Variants in FANCL observed in about 807,000 individuals in gnomAD.
FANCL encodes the protein E3 ubiquitin-protein ligase FANCL.
A neutral mutation model predicts 59.4 loss-of-function variants in FANCL; 69 were observed. The observed-to-expected ratio is 1.16, with a 90% CI of 0.96 to 1.42. FANCL has a LOEUF of 1.42. FANCL is among the 40% of genes most tolerant of loss of function. The pLI is 0.00. For synonymous variants in FANCL, 180 were observed against 147.1 expected (o/e 1.22, Z -1.62); for missense variants, 519 against 447.2 (o/e 1.16, Z -1.45).
intron 11 of FANCL, among the ~76,000 whole-genome samples, 198 bp from the exon 12 acceptor site, chr2:58,161,836 A>G (rs1329515430): frequency 6.6e-6 from 1 of 151,954 alleles, no homozygotes; most frequent in Non-Finnish European, 1.5e-5. Context: ...ACTTTAGAAT[A>G]CGAAATCATC....
intron 7 of FANCL, among the ~76,000 whole-genome samples, chr2:58,174,122 C>T (rs998720072): frequency 6.6e-6 from 1 of 152,088 alleles, no homozygotes; most frequent in Admixed American, 6.5e-5. Flanking sequence ...TACAGGAGCA[C>T]CCAGATTCAT....
intron 7 of FANCL, among the ~76,000 whole-genome samples, chr2:58,168,401 G>C (rs1212589968): frequency 6.6e-6 from 1 of 152,208 alleles, no homozygotes; most frequent in Non-Finnish European, 1.5e-5. Context: ...GTGCCATGAG[G>C]AGTGGTGCAC....
intron 5 of FANCL, among the ~76,000 whole-genome samples, chr2:58,212,445 T>C (rs1310673261): frequency 1.3e-5 from 2 of 151,976 alleles, no homozygotes; most frequent in Non-Finnish European, 2.9e-5. Context: ...CCAAACCATA[T>C]CATAAAGTGA....
chr2:58,176,718 G>A (rs1374412346), intron 7 of FANCL, among the ~76,000 whole-genome samples: 1 of 152,084 alleles, frequency 6.6e-6, no homozygotes, highest in Admixed American at 6.5e-5. Flanking sequence ...ACATAGGCAT[G>A]GGCAAGGACT....
intron 7 of FANCL, among the ~76,000 whole-genome samples, chr2:58,179,315 G>C (rs1192940619): frequency 6.6e-6 from 1 of 152,062 alleles, no homozygotes; most frequent in Admixed American, 6.6e-5. Flanking sequence ...GAAGCATCAT[G>C]CTACCTGACT....
chr2:58,233,803 G>C (rs1430690426), intron 1 of FANCL, among the ~76,000 whole-genome samples: 1 of 152,008 alleles, frequency 6.6e-6, no homozygotes, highest in East Asian at 1.9e-4. Flanking sequence ...GACTTAATGT[G>C]CATTAACACA....
At position 58,204,218 on chromosome 2, in the gene FANCL, T is replaced by A. The variant is rs2105148286; in HGVS notation, c.383A>T (p.Tyr128Phe). The change falls in exon 6 of 14, where the codon TAT becomes TTT. Residue 128 changes from tyrosine (Y) to phenylalanine (F), a missense_variant. Transcript: ENST00000233741. ...GATGGTACTGAAGCAGGTATCCGCA[T>A]ACACAAGTCTGGTGAGCAGAGGAGA... The part of the protein sequence containing the change: ...IGTLGWDKLV[Y>F]ADTCFSTIKL... The A allele has an allele frequency of 6.2e-7, 1 of 1,612,746 alleles. No homozygotes were observed. Among genetic ancestry groups the A allele is most frequent in the East Asian group, 2.2e-5 (1 of 44,858 alleles).
At chr2:58,172,908 A>G (rs1262264777) in intron 7 of FANCL, among the ~76,000 whole-genome samples, 2 of 152,244 alleles carry the variant, frequency 1.3e-5, no homozygotes, top group Non-Finnish European at 2.9e-5. Flanking sequence ...AGACGAATGC[A>G]TAACTAGAAT....
intron 1 of FANCL, among the ~76,000 whole-genome samples, chr2:58,233,219 T>C (rs1693737424): frequency 6.7e-6 from 1 of 149,390 alleles, no homozygotes; most frequent in Non-Finnish European, 1.5e-5. Context: ...AATTTGGAAT[T>C]CTTAATTTAC....
chr2:58,241,363 G>A, upstream of FANCL: 3 of 1,568,562 alleles, frequency 1.9e-6, no homozygotes, highest in Non-Finnish European at 2.6e-6. Context: ...GCTGGGTCCT[G>A]CACATGCGCA....
rs3755297 is a variant in FANCL, at chr2:58,194,957, G to C, written c.540+3637C>G. Among the ~76,000 whole-genome samples the C allele has an allele frequency of 3.4e-4, 51 of 150,572 alleles. No homozygotes were observed. The East Asian group carries it at 9.3e-3, about 28-fold the overall frequency. ...AAAAAGAAAAATAAAGATCTTCCAA[G>C]TTTAAAGTCCAGAAACACTGACTCC... On this transcript the variant is annotated intron_variant, in intron 7 of 13. Coordinates refer to ENST00000233741, the MANE Select transcript of FANCL (RefSeq NM_018062.4).
chr2:58,196,323 T>C (rs574599745), intron 7 of FANCL, among the ~76,000 whole-genome samples: 21 of 152,178 alleles, frequency 1.4e-4, no homozygotes, highest in Middle Eastern at 3.4e-3. Flanking sequence ...AAGAGAAATA[T>C]AGATGTATCT....
At chr2:58,217,780 G>C (rs1691996253) in intron 5 of FANCL, among the ~76,000 whole-genome samples, 1 of 151,286 alleles carries the variant, frequency 6.6e-6, no homozygotes. Context: ...AGAGCTCTCA[G>C]GACAAGCGGA....
rs536221497 is a variant in FANCL, at chr2:58,183,437, C to T, written c.540+15157G>A. On this transcript the variant is annotated intron_variant, in intron 7 of 13. Transcript: ENST00000233741. ...GTTTGGCTCCTCTCTTACAGCACTC[C>T]CCTTATTAGTTACTGCTTTTATTAC... 5.3e-5 allele frequency among the ~76,000 whole-genome samples: 8 copies of T among 151,864 alleles called. No homozygotes were observed. The Admixed American group carries it at 5.3e-4, about 10-fold the overall frequency.
chr2:58,163,360 G>A, intron 9 of FANCL, 74 bp downstream of exon 9: 1 of 1,013,196 alleles, frequency 9.9e-7, no homozygotes, highest in Non-Finnish European at 1.5e-6. Context: ...TACTAATATT[G>A]TCTAATAATT....
chr2:58,195,180 T>C (rs903441454), intron 7 of FANCL, among the ~76,000 whole-genome samples: 2 of 152,082 alleles, frequency 1.3e-5, no homozygotes, highest in African/African-American at 4.8e-5. Context: ...TAAAAAAGAT[T>C]ACACATAACA....
At chr2:58,186,443 G>A (rs567708975) in intron 7 of FANCL, among the ~76,000 whole-genome samples, 1 of 152,170 alleles carries the variant, frequency 6.6e-6, no homozygotes, top group Non-Finnish European at 1.5e-5. Flanking sequence ...TATTGGAAGT[G>A]AACTCAGGGA....
At chr2:58,173,287 T>C (rs1383925952) in intron 7 of FANCL, among the ~76,000 whole-genome samples, 3 of 152,092 alleles carry the variant, frequency 2.0e-5, no homozygotes, top group Non-Finnish European at 2.9e-5. Context: ...ATACAGAGAA[T>C]GCCACAAAGA....
chr2:58,214,520 T>C (rs1375418405), intron 5 of FANCL, among the ~76,000 whole-genome samples: 2 of 152,174 alleles, frequency 1.3e-5, no homozygotes, highest in Admixed American at 6.5e-5. Context: ...TTTATTGTTG[T>C]TGCTCTTGTT....
Sources: gnomAD v4.1 joint callset for allele counts (sites outside exome capture counted in the v4.1 genomes callset) on GRCh38, gnomAD v4.1.1 for gene constraint, MANE v1.5 for transcripts, NCBI Gene and HGNC (gene_info 2026-07-23, HGNC 2026-07-21) for gene names.